The following SHISA6 variants were observed in gnomAD, a reference collection of about 807,000 sequenced individuals.
SHISA6 encodes the protein shisa family member 6, also known as protein shisa-6.
Under a neutral mutation model 47.9 loss-of-function variants are expected in SHISA6, and 22 were observed. The ratio of observed to expected loss-of-function variants is 0.46; its 90% CI spans 0.33 to 0.66. SHISA6 has a LOEUF of 0.66. SHISA6 is among the 30% of genes least tolerant of loss of function. The pLI, the probability that SHISA6 is intolerant of heterozygous loss-of-function variation, is 0.02. For missense variants in SHISA6, 680 were observed against 764.6 expected, an observed-to-expected ratio of 0.89 and a Z score of 1.30; for synonymous variants, 388 against 337.8, an observed-to-expected ratio of 1.15 and a Z score of -1.63.
intron 1 of SHISA6, among the ~76,000 whole-genome samples, chr17:11,245,755 G>GC (rs1017033256): frequency 6.7e-6 from 1 of 148,282 alleles, no homozygotes; most frequent in East Asian, 2.0e-4. Flanking sequence ...AGGGTGGGGG[G>GC]GGTGGATATC....
intron 3 of SHISA6, among the ~76,000 whole-genome samples, chr17:11,425,006 C>CAAAA (rs34270452): frequency 7.1e-5 from 5 of 70,032 alleles, no homozygotes; most frequent in Non-Finnish European, 1.1e-4. Context: ...TACTCCGTCT[C>CAAAA]AAAAAAAAAA....
chr17:11,325,183 G>A (rs9912845), intron 2 of SHISA6, among the ~76,000 whole-genome samples: 3,722 of 152,258 alleles, frequency 0.024, 158 homozygotes, highest in African/African-American at 0.084. Flanking sequence ...ACATCCAGGC[G>A]GGCCCAAAAG....
chr17:11,420,040 C>T (rs1467227438), intron 3 of SHISA6, among the ~76,000 whole-genome samples: 1 of 152,064 alleles, frequency 6.6e-6, no homozygotes, highest in African/African-American at 2.4e-5. Context: ...TCTGTCTCTA[C>T]TAAAAATACA....
intron 3 of SHISA6, among the ~76,000 whole-genome samples, chr17:11,481,355 T>C (rs1021521014): frequency 1.7e-5 from 2 of 116,760 alleles, no homozygotes; most frequent in African/African-American, 6.8e-5. Flanking sequence ...TGTGTGTGTG[T>C]GTGTGTGTGT....
intron 3 of SHISA6, among the ~76,000 whole-genome samples, chr17:11,417,715 G>A (rs1914325309): frequency 6.6e-6 from 1 of 152,204 alleles, no homozygotes; most frequent in African/African-American, 2.4e-5. Flanking sequence ...TTCGGACATG[G>A]TAGGAACAGA....
chr17:11,320,659 C>CAA (rs112649016), intron 2 of SHISA6, among the ~76,000 whole-genome samples: 1 of 79,468 alleles, frequency 1.3e-5, no homozygotes. Context: ...ACTCCATCAC[C>CAA]AAAAAAAAAA....
chr17:11,521,852 T>G (rs1373638388), intron 3 of SHISA6, among the ~76,000 whole-genome samples: 1 of 152,200 alleles, frequency 6.6e-6, no homozygotes, highest in Admixed American at 6.5e-5. Flanking sequence ...TCTCAGCTTA[T>G]CTTTTCTCTC....
intron 3 of SHISA6, among the ~76,000 whole-genome samples, chr17:11,401,380 G>A (rs1244827959): frequency 2.0e-5 from 3 of 152,152 alleles, no homozygotes; most frequent in African/African-American, 4.8e-5. Flanking sequence ...ATTTTGTTTG[G>A]TAGAGTCAGG....
At chr17:11,292,929 A>G (rs929130722) in intron 2 of SHISA6, among the ~76,000 whole-genome samples, 1 of 150,156 alleles carries the variant, frequency 6.7e-6, no homozygotes, top group African/African-American at 2.5e-5. Flanking sequence ...GGTTCAAGCG[A>G]TTCTCCTGCC....
Position 11,558,000 on chromosome 17 carries a change from G to A in SHISA6, c.1352G>A (p.Arg451His), listed in dbSNP as rs192374370. ...GACGAGCAGCTGCTCTCCACGGAGCGCCTGCACTCCCAGGACCCGCTGCTG... is the reference window on the plus strand; with the variant it reads ...GACGAGCAGCTGCTCTCCACGGAGCACCTGCACTCCCAGGACCCGCTGCTG... ...LSDEQLLSTERLHSQDPLLSP... is the reference protein window; with the variant it reads ...LSDEQLLSTEHLHSQDPLLSP... The change falls in exon 6 of 6, where the codon CGC becomes CAC. Residue 451 changes from arginine to histidine, a missense_variant. Arg to His is a conservative substitution (Grantham distance 29). This residue lies in a region of SHISA6 where 559 missense variants were observed against 674.1 expected (regional missense o/e 0.83). Coordinates refer to ENST00000441885, the MANE Select transcript of SHISA6 (RefSeq NM_207386.4). 1.4e-5 allele frequency: 21 copies of A among 1,551,566 alleles called. No individual in the cohort carries two copies. In the African/African-American group the frequency reaches 2.0e-4, roughly 15 times the overall value.
intron 2 of SHISA6, among the ~76,000 whole-genome samples, chr17:11,271,052 G>T (rs142059752): frequency 1.3e-5 from 2 of 152,332 alleles, no homozygotes; most frequent in African/African-American, 2.4e-5. Context: ...GAGGCAGCAG[G>T]TGTAGACAAC....
intron 3 of SHISA6, among the ~76,000 whole-genome samples, chr17:11,447,822 G>T (rs2142302590): frequency 6.6e-6 from 1 of 152,254 alleles, no homozygotes; most frequent in East Asian, 1.9e-4. Context: ...GCTATGGAAG[G>T]AAATACCCCA....
chr17:11,396,094 G>A (rs1342391035), intron 3 of SHISA6, among the ~76,000 whole-genome samples: 2 of 152,152 alleles, frequency 1.3e-5, no homozygotes, highest in Non-Finnish European at 2.9e-5. Context: ...TATTAATCAA[G>A]AATGGATACT....
intron 3 of SHISA6, among the ~76,000 whole-genome samples, chr17:11,479,511 G>A (rs993011536): frequency 7.2e-5 from 11 of 152,060 alleles, no homozygotes; most frequent in Non-Finnish European, 1.3e-4. Context: ...CCTAATGCCT[G>A]CAGGGCTTAA....
At chr17:11,306,325 T>C (rs1910108266) in intron 2 of SHISA6, among the ~76,000 whole-genome samples, 1 of 151,978 alleles carries the variant, frequency 6.6e-6, no homozygotes. Context: ...CAGGATGCAA[T>C]GGTGGAGCAG....
chr17:11,426,305 A>G (rs985023147), intron 3 of SHISA6, among the ~76,000 whole-genome samples: 2 of 152,248 alleles, frequency 1.3e-5, no homozygotes, highest in South Asian at 4.1e-4. Context: ...TTCATGAGCT[A>G]GGCAGGAGCT....
chr17:11,433,739 A>C (rs140505141), intron 3 of SHISA6, among the ~76,000 whole-genome samples: 2 of 152,066 alleles, frequency 1.3e-5, no homozygotes, highest in East Asian at 3.9e-4. Flanking sequence ...GACCCTGGAT[A>C]CTCTAGAGAA....
intron 3 of SHISA6, among the ~76,000 whole-genome samples, chr17:11,444,354 A>T (rs1466682375): frequency 6.6e-6 from 1 of 152,056 alleles, no homozygotes; most frequent in African/African-American, 2.4e-5. Flanking sequence ...AGGAAGGAGA[A>T]AATTAAATTT....
At chr17:11,246,815 A>G (rs1312421984) in intron 1 of SHISA6, among the ~76,000 whole-genome samples, 1 of 152,144 alleles carries the variant, frequency 6.6e-6, no homozygotes. Flanking sequence ...TATAAGACAC[A>G]TGTTGCCTTT....
Sources: allele counts gnomAD v4.1 joint callset (sites outside exome capture counted in the v4.1 genomes callset), GRCh38; gene constraint gnomAD v4.1.1; regional missense constraint gnomAD v4.1.1; transcripts MANE v1.5; gene names NCBI Gene and HGNC (gene_info 2026-07-23, HGNC 2026-07-21).